MYO3A: variants seen among roughly 807,000 people sequenced by gnomAD.
The protein encoded by MYO3A is myosin-IIIa.
In MYO3A, 180 loss-of-function variants were observed where a neutral mutation model predicts 192.7. That is an observed-to-expected ratio of 0.93 (90% CI 0.83 to 1.06). The LOEUF (loss-of-function observed/expected upper bound fraction) is 1.06. Ranked by LOEUF, MYO3A falls within the 50% of genes least tolerant of loss-of-function variation. The pLI is 0.00. For synonymous variants in MYO3A, 628 were observed against 645.3 expected, an observed-to-expected ratio of 0.97 and a Z score of 0.41; for missense variants, 1,896 against 1,905.0, an observed-to-expected ratio of 1.00 and a Z score of 0.09.
At chr10:26,115,421 A>G (rs1221372390) in intron 17 of MYO3A, among the ~76,000 whole-genome samples, 2 of 152,200 alleles carry the variant, frequency 1.3e-5, no homozygotes, top group Non-Finnish European at 1.5e-5. Context: ...TGTGCTCAGA[A>G]AGGACAATTT....
At chr10:25,943,750 A>G (rs1240238949) in intron 2 of MYO3A, among the ~76,000 whole-genome samples, 3 of 139,060 alleles carry the variant, frequency 2.2e-5, no homozygotes, top group Non-Finnish European at 4.7e-5. Flanking sequence ...TGCTGAATTC[A>G]TTAATTAGTT....
intron 24 of MYO3A, among the ~76,000 whole-genome samples, chr10:26,154,369 A>G (rs1461145626): frequency 2.0e-5 from 3 of 152,128 alleles, no homozygotes; most frequent in Non-Finnish European, 4.4e-5. Flanking sequence ...TAGTAGAGAC[A>G]GGATTTCACC....
chr10:26,104,866 TACACACACACAC>T (rs60219721), intron 17 of MYO3A, among the ~76,000 whole-genome samples: 2 of 148,054 alleles, frequency 1.4e-5, no homozygotes, highest in Non-Finnish European at 3.0e-5. Flanking sequence ...TGTTTATAGA[TACACACACACAC>T]ACACACACAC....
At chr10:26,015,755 A>C (rs1055567953) in intron 6 of MYO3A, among the ~76,000 whole-genome samples, 10 of 150,904 alleles carry the variant, frequency 6.6e-5, no homozygotes, top group Non-Finnish European at 8.9e-5. Flanking sequence ...TTAATGTTAC[A>C]CTCCTCACTC....
chr10:26,049,205 C>A (rs1420621531), intron 10 of MYO3A, among the ~76,000 whole-genome samples: 1 of 152,124 alleles, frequency 6.6e-6, no homozygotes, highest in African/African-American at 2.4e-5. Flanking sequence ...GATATAAACA[C>A]AGAGAAGGGC....
intron 14 of MYO3A, among the ~76,000 whole-genome samples, chr10:26,073,397 G>A (rs67216996): frequency 0.48 from 72,097 of 151,750 alleles, 17,932 homozygotes; most frequent in Middle Eastern, 0.59. Flanking sequence ...CTGAAACTCC[G>A]TCAGTACTAA....
chr10:25,965,564 G>C (rs1838206905), intron 4 of MYO3A, among the ~76,000 whole-genome samples: 1 of 152,062 alleles, frequency 6.6e-6, no homozygotes, highest in Admixed American at 6.6e-5. Flanking sequence ...TTCGTTGCGT[G>C]ATCCCCGAGT....
chr10:26,054,573 A>G (rs1229374707), intron 10 of MYO3A, among the ~76,000 whole-genome samples: 5 of 152,214 alleles, frequency 3.3e-5, no homozygotes, highest in Non-Finnish European at 5.9e-5. Context: ...TTTGCCTGGC[A>G]AAAGGAACCA....
At chr10:26,104,796 T>C (rs2131607034) in intron 17 of MYO3A, among the ~76,000 whole-genome samples, 1 of 151,986 alleles carries the variant, frequency 6.6e-6, no homozygotes, top group East Asian at 1.9e-4. Flanking sequence ...TCTCCTCCCC[T>C]AGTTAATGGA....
chr10:26,145,900 C>T (rs1023299871), intron 22 of MYO3A, among the ~76,000 whole-genome samples: 3 of 152,186 alleles, frequency 2.0e-5, no homozygotes, highest in Non-Finnish European at 2.9e-5. Context: ...AAGAATCCTT[C>T]GGTGAGATTA....
chr10:26,049,369 A>G (rs1273933637), intron 10 of MYO3A, among the ~76,000 whole-genome samples: 2 of 152,188 alleles, frequency 1.3e-5, no homozygotes, highest in Non-Finnish European at 2.9e-5. Context: ...AGGGAATATG[A>G]ACTCCTCTTT....
intron 24 of MYO3A, 123 bp downstream of exon 24, chr10:26,154,052 T>A (rs1840955049): frequency 2.7e-6 from 2 of 751,434 alleles, no homozygotes; most frequent in Non-Finnish European, 4.6e-6. Context: ...ATCTTGCTTT[T>A]CTGTTTGAAC....
At chr10:25,984,704 A>G (rs917796952) in intron 4 of MYO3A, among the ~76,000 whole-genome samples, 1 of 152,184 alleles carries the variant, frequency 6.6e-6, no homozygotes, top group African/African-American at 2.4e-5. Flanking sequence ...TCAAAGCCAT[A>G]TCAAGACCAC....
chr10:26,073,565 C>T (rs1177135842), intron 14 of MYO3A, among the ~76,000 whole-genome samples: 1 of 43,130 alleles, frequency 2.3e-5, no homozygotes, highest in East Asian at 3.8e-4. Flanking sequence ...TGCACTCCAG[C>T]CTGGGCAACA....
chr10:26,176,917 C>T, intron 31 of MYO3A, 72 bp downstream of exon 31: 2 of 1,541,312 alleles, frequency 1.3e-6, no homozygotes, highest in Non-Finnish European at 1.8e-6. Flanking sequence ...TAGTTTCCCA[C>T]CATTATTCTA....
intron 30 of MYO3A, among the ~76,000 whole-genome samples, chr10:26,176,023 G>A (rs1462541241): frequency 5.3e-5 from 8 of 152,142 alleles, no homozygotes; most frequent in Non-Finnish European, 1.2e-4. Context: ...GGCCGGGCGC[G>A]GTGGCTCAAG....
At chr10:26,116,886 CA>C (rs1838539721) in intron 17 of MYO3A, among the ~76,000 whole-genome samples, 1 of 152,164 alleles carries the variant, frequency 6.6e-6, no homozygotes, top group Non-Finnish European at 1.5e-5. Flanking sequence ...CAGACATTGC[CA>C]AATGTCCTGT....
chr10:26,092,450 A>G (rs912389192), intron 15 of MYO3A, among the ~76,000 whole-genome samples: 3 of 148,164 alleles, frequency 2.0e-5, no homozygotes, highest in African/African-American at 2.5e-5. Context: ...TGGGCAACAC[A>G]GCAAGACTCT....
At chr10:26,174,770 G>C (rs1842234219) in intron 30 of MYO3A, among the ~76,000 whole-genome samples, 1 of 152,018 alleles carries the variant, frequency 6.6e-6, no homozygotes, top group Admixed American at 6.6e-5. Context: ...AAATATGATA[G>C]AAACCTCATG....
Sources: gnomAD v4.1 joint callset for allele counts (sites outside exome capture counted in the v4.1 genomes callset) on GRCh38, gnomAD v4.1.1 for gene constraint, MANE v1.5 for transcripts, NCBI Gene and HGNC (gene_info 2026-07-23, HGNC 2026-07-21) for gene names.